The following EPHB1 variants were observed in gnomAD, a reference collection of about 807,000 sequenced individuals.
The protein encoded by EPHB1 is EPH receptor B1.
In EPHB1, 30 loss-of-function variants were observed where a neutral mutation model predicts 94.4. The ratio of observed to expected loss-of-function variants is 0.32; its 90% confidence interval spans 0.24 to 0.43. The LOEUF (loss-of-function observed/expected upper bound fraction) is 0.43, where lower values mean the gene tolerates loss of function less well. Ranked by LOEUF, EPHB1 falls within the 20% of genes least tolerant of loss-of-function variation. EPHB1 has a pLI of 1.00. For synonymous variants in EPHB1, 522 were observed against 489.1 expected (o/e 1.07, Z -0.89); for missense variants, 1,055 against 1,308.3 (o/e 0.81, Z 2.99).
intron 1 of EPHB1, among the ~76,000 whole-genome samples, chr3:134,906,606 T>C (rs1288857834): frequency 2.6e-5 from 4 of 152,240 alleles, no homozygotes; most frequent in African/African-American, 9.6e-5. Context: ...ATCCAGCCTA[T>C]AGTTTGCTTA....
intron 4 of EPHB1, among the ~76,000 whole-genome samples, chr3:135,113,320 C>A (rs928011655): frequency 6.6e-6 from 1 of 152,252 alleles, no homozygotes; most frequent in Non-Finnish European, 1.5e-5. Flanking sequence ...TCTACAATTT[C>A]TTTTCATAGT....
chr3:134,930,556 T>A (rs1459714086), intron 2 of EPHB1, among the ~76,000 whole-genome samples: 1 of 152,216 alleles, frequency 6.6e-6, no homozygotes. Flanking sequence ...AAAGACTCCC[T>A]AACCTTTACA....
intron 3 of EPHB1, among the ~76,000 whole-genome samples, chr3:135,082,552 A>G (rs1938201444): frequency 6.6e-6 from 1 of 152,164 alleles, no homozygotes; most frequent in Middle Eastern, 3.2e-3. Context: ...TCCTGTAGGG[A>G]CAGTGCTAAG....
intron 1 of EPHB1, among the ~76,000 whole-genome samples, chr3:134,907,037 A>G (rs1461896603): frequency 6.6e-6 from 1 of 152,246 alleles, no homozygotes; most frequent in Non-Finnish European, 1.5e-5. Context: ...TCTGAATCCA[A>G]CTGTTTAGAA....
chr3:135,178,165 C>A (rs1388047023), intron 9 of EPHB1, among the ~76,000 whole-genome samples: 3 of 150,826 alleles, frequency 2.0e-5, no homozygotes, highest in Admixed American at 6.7e-5. Context: ...AAAAAATAAT[C>A]CCCTCAGGCC....
intron 3 of EPHB1, among the ~76,000 whole-genome samples, chr3:134,997,055 G>T (rs1243025117): frequency 1.3e-5 from 2 of 151,958 alleles, no homozygotes; most frequent in African/African-American, 2.4e-5. Context: ...TACTTTTATG[G>T]CACAATTTTT....
At chr3:135,126,719 T>C (rs1940224213) in intron 4 of EPHB1, among the ~76,000 whole-genome samples, 1 of 152,218 alleles carries the variant, frequency 6.6e-6, no homozygotes, top group Admixed American at 6.5e-5. Flanking sequence ...GCACTGGTCA[T>C]GTCTTTTCCC....
intron 1 of EPHB1, among the ~76,000 whole-genome samples, chr3:134,818,377 A>G (rs1468605987): frequency 6.6e-6 from 1 of 152,168 alleles, no homozygotes; most frequent in Non-Finnish European, 1.5e-5. Flanking sequence ...TTTCTTTTTA[A>G]AATTTTATTT....
At chr3:134,921,273 A>G (rs73224333) in intron 1 of EPHB1, among the ~76,000 whole-genome samples, 23,602 of 152,052 alleles carry the variant, frequency 0.16, 2,309 homozygotes, top group Middle Eastern at 0.27. Flanking sequence ...CTCTGTCCCA[A>G]GAGGCAGGGG....
intron 1 of EPHB1, among the ~76,000 whole-genome samples, chr3:134,849,894 T>A (rs1319289476): frequency 1.3e-5 from 2 of 152,154 alleles, no homozygotes; most frequent in African/African-American, 4.8e-5. Flanking sequence ...TATGCCTCCT[T>A]TAACTCTGCT....
chr3:135,096,175 T>C (rs567258568), intron 3 of EPHB1, among the ~76,000 whole-genome samples: 5 of 152,356 alleles, frequency 3.3e-5, no homozygotes, highest in South Asian at 2.1e-4. Context: ...ATTGAGGAGA[T>C]ACTATATTCC....
At chr3:135,060,335 T>C (rs780048984) in intron 3 of EPHB1, among the ~76,000 whole-genome samples, 15 of 152,234 alleles carry the variant, frequency 9.9e-5, no homozygotes, top group Non-Finnish European at 1.8e-4. Context: ...AGATTGTCTA[T>C]GTCGTAGCAT....
At chr3:134,984,524 T>C (rs1934524631) in intron 3 of EPHB1, among the ~76,000 whole-genome samples, 1 of 151,880 alleles carries the variant, frequency 6.6e-6, no homozygotes, top group Non-Finnish European at 1.5e-5. Context: ...TTCTGGAAGA[T>C]CTGGGATAGG....
chr3:135,126,131 T>G (rs1031652581), intron 4 of EPHB1, among the ~76,000 whole-genome samples: 1 of 152,212 alleles, frequency 6.6e-6, no homozygotes, highest in Non-Finnish European at 1.5e-5. Context: ...GGTCACCCTC[T>G]CTACCACCTC....
intron 1 of EPHB1, among the ~76,000 whole-genome samples, chr3:134,853,883 T>C (rs762664340): frequency 4.6e-5 from 7 of 152,172 alleles, no homozygotes; most frequent in Non-Finnish European, 8.8e-5. Flanking sequence ...CTGCAGTGCA[T>C]TGTCCTCATC....
chr3:134,975,746 G>A (rs571416806), intron 3 of EPHB1, among the ~76,000 whole-genome samples: 9 of 149,182 alleles, frequency 6.0e-5, no homozygotes, highest in South Asian at 2.1e-4. Flanking sequence ...TAAACTATTC[G>A]TAAGGATAGA....
intron 4 of EPHB1, among the ~76,000 whole-genome samples, chr3:135,119,662 G>T (rs1939867762): frequency 6.6e-6 from 1 of 152,088 alleles, no homozygotes. Context: ...ATGTTGGCCA[G>T]ACCGGTCTCA....
chr3:135,167,526 C>T (rs1414880604), intron 9 of EPHB1, among the ~76,000 whole-genome samples: 2 of 152,188 alleles, frequency 1.3e-5, no homozygotes, highest in African/African-American at 4.8e-5. Context: ...GTTTTTCTCA[C>T]TCATTATCCT....
chr3:135,086,812 C>G (rs748547491), intron 3 of EPHB1, among the ~76,000 whole-genome samples: 1 of 152,048 alleles, frequency 6.6e-6, no homozygotes, highest in African/African-American at 2.4e-5. Flanking sequence ...AATGGGGACT[C>G]CAGCTTACTC....
Sources: allele counts gnomAD v4.1 joint callset (sites outside exome capture counted in the v4.1 genomes callset), GRCh38; gene constraint gnomAD v4.1.1; transcripts MANE v1.5; gene names NCBI Gene and HGNC (gene_info 2026-07-23, HGNC 2026-07-21).